The following EN2 variants were observed in gnomAD, a reference collection of about 807,000 sequenced individuals.
The protein encoded by EN2 is homeobox protein engrailed-2.
In EN2, 7 loss-of-function variants were observed where a neutral mutation model predicts 25.0. The observed-to-expected ratio is 0.28, with a 90% confidence interval of 0.16 to 0.53. The LOEUF (loss-of-function observed/expected upper bound fraction) is 0.53. Ranked by LOEUF, EN2 falls within the 20% of genes least tolerant of loss-of-function variation. The probability of loss-of-function intolerance (pLI) is 0.96; values close to 1 mark genes in which losing one functional copy is unlikely to be tolerated. For synonymous variants in EN2, 277 were observed against 243.3 expected (o/e 1.14, Z -1.29); for missense variants, 524 against 501.8 (o/e 1.04, Z -0.42).
chr7:155,458,660 G>A lies in EN2; in HGVS notation c.283G>A (p.Gly95Arg). Residue 95 changes from glycine (G) to arginine (R), a missense_variant, in exon 1 of 2, where the codon GGA becomes AGA. Gly to Arg is a moderately radical substitution (Grantham distance 125). Coordinates refer to ENST00000297375, the MANE Select transcript of EN2 (RefSeq NM_001427.4). ...GACCTGCTGTGCGGGCGCGGGAGGAGGAAGGGGCGGCGGAGCCGGCGGCGA... is the reference window on the plus strand; with the variant it reads ...GACCTGCTGTGCGGGCGCGGGAGGAAGAAGGGGCGGCGGAGCCGGCGGCGA... ...AGTCCAGAGG[G>R]RGGGAGGEGG... 7.2e-7 allele frequency: 1 copy of A among 1,387,234 alleles called. No homozygotes were observed. Among genetic ancestry groups the A allele is most frequent in the East Asian group, 3.1e-5 (1 of 32,394 alleles). 85.9% of individuals were successfully genotyped at this position (1,387,234 alleles called of 1,614,324 possible).
chr7:155,462,382 C>G lies in EN2; in HGVS notation c.697C>G (p.Arg233Gly). 1 of 1,609,450 alleles carries G rather than the reference C, an allele frequency of 6.2e-7. No individual in the cohort carries two copies. Among genetic ancestry groups the G allele is most frequent in the East Asian group, 2.2e-5 (1 of 44,860 alleles). Residue 233 changes from arginine to glycine, a missense_variant, in exon 2 of 2, where the codon CGA becomes GGA. Arg to Gly is a moderately radical substitution (Grantham distance 125, BLOSUM62 -2). Coordinates refer to ENST00000297375, the MANE Select transcript of EN2 (RefSeq NM_001427.4). ...SDRPSSGPRS[R>G]KPKKKNPNKE... Reference sequence around the variant, plus strand: ...CCGTATCTACCCAGGTCCCAGGTCTCGAAAACCAAAGAAGAAGAACCCGAA... The same window carrying G: ...CCGTATCTACCCAGGTCCCAGGTCTGGAAAACCAAAGAAGAAGAACCCGAA...
rs1350806900 is a variant in EN2, at chr7:155,458,779, A to G, written c.402A>G (p.Pro134=). 1.4e-6 allele frequency: 2 copies of G among 1,386,938 alleles called. No individual in the cohort carries two copies. Among genetic ancestry groups the G allele is most frequent in the Non-Finnish European group, 1.8e-6 (2 of 1,082,636 alleles). The allele number at this position is 1,386,938 out of a possible 1,614,324, so 85.9% of individuals were successfully genotyped here. A position where few individuals can be genotyped will look rare whatever the true frequency, so the allele number is the denominator to read the frequency against. The change falls in exon 1 of 2, where the codon CCA becomes CCG. Residue 134 remains proline, a synonymous_variant. Coordinates refer to ENST00000297375, the MANE Select transcript of EN2 (RefSeq NM_001427.4). Reference sequence around the variant, plus strand: ...CCCGAGAGCCCCGGCAGAACCCGCCATGTGCGCCCGGCGCGGGCGGGCCGC... The same window carrying G: ...CCCGAGAGCCCCGGCAGAACCCGCCGTGTGCGCCCGGCGCGGGCGGGCCGC... ...SGSREPRQNP[P]CAPGAGGPLP...
chr7:155,459,313 GTC>G (rs1001434112), intron 1 of EN2, among the ~76,000 whole-genome samples: 1 of 152,046 alleles, frequency 6.6e-6, no homozygotes, highest in African/African-American at 2.4e-5. Flanking sequence ...TTCTTTCTCT[GTC>G]TCTCTCTCTC....
intron 1 of EN2, among the ~76,000 whole-genome samples, chr7:155,460,014 C>T (rs1208235750): frequency 6.6e-6 from 1 of 152,248 alleles, no homozygotes; most frequent in Non-Finnish European, 1.5e-5. Context: ...CCCGAGCTGG[C>T]AGCGGATCCC....
In EN2 at chr7:155,464,600, G is replaced by T. The variant is rs1563076572; in HGVS notation, c.*1913G>T. The T allele has an allele frequency of 6.6e-6, 1 of 152,638 alleles. No homozygotes were observed. The highest frequency in any genetic ancestry group is 1.5e-5 in the Non-Finnish European group (1 of 68,044). 9.5% of individuals were successfully genotyped at this position (152,638 alleles called of 1,614,324 possible). On this transcript the variant is annotated 3_prime_UTR_variant, in exon 2 of 2. Coordinates refer to ENST00000297375, the MANE Select transcript of EN2 (RefSeq NM_001427.4). Reference sequence around the variant, plus strand: ...CTCAATGAAATGACATGCCTTTTTAGCAGGAAGCAAAGTTGGTTTCTGTTT... The same window carrying T: ...CTCAATGAAATGACATGCCTTTTTATCAGGAAGCAAAGTTGGTTTCTGTTT...
Position 155,462,720 on chromosome 7 carries a change from C to T in EN2, c.*33C>T, listed in dbSNP as rs369675027. 9.1e-6 allele frequency: 14 copies of T among 1,530,752 alleles called. No homozygotes were observed. The African/African-American group carries it at 9.7e-5, about 11-fold the overall frequency. The allele number at this position is 1,530,752 out of a possible 1,614,324, so 94.8% of individuals were successfully genotyped here. On this transcript the variant is annotated 3_prime_UTR_variant, in exon 2 of 2. Transcript: ENST00000297375. Reference sequence around the variant, plus strand: ...GGCATGGAGGCCAGGTCTCAGTCCGCGCTAAACAATGCAATAATTTAAAAT... The same window carrying T: ...GGCATGGAGGCCAGGTCTCAGTCCGTGCTAAACAATGCAATAATTTAAAAT...
Position 155,462,617 on chromosome 7 carries a change from T to A in EN2, c.932T>A (p.Val311Glu), listed in dbSNP as rs779590878. Reference sequence around the variant, plus strand: ...ACGGGCAACAAGAACACGCTGGCCGTGCACCTCATGGCACAGGGCTTGTAC... The same window carrying A: ...ACGGGCAACAAGAACACGCTGGCCGAGCACCTCATGGCACAGGGCTTGTAC... ...KATGNKNTLA[V>E]HLMAQGLYNH... Residue 311 changes from valine (V) to glutamate (E), a missense_variant, in exon 2 of 2, where the codon GTG becomes GAG. Transcript: ENST00000297375. 1 of 1,613,592 alleles carries A rather than the reference T, an allele frequency of 6.2e-7. No homozygotes were observed. The highest frequency in any genetic ancestry group is 1.3e-5 in the African/African-American group (1 of 75,034).
At position 155,463,712 on chromosome 7, in the gene EN2, ACCCTCCTTTTGGCTTGG is replaced by A. The variant is rs1228938774; in HGVS notation, c.*1029_*1045del. The A allele has an allele frequency of 6.6e-6, 1 of 151,310 alleles. No individual in the cohort carries two copies. The highest frequency in any genetic ancestry group is 1.5e-5 in the Non-Finnish European group (1 of 67,882). 9.4% of individuals were successfully genotyped at this position (151,310 alleles called of 1,614,324 possible). A position where few individuals can be genotyped will look rare whatever the true frequency, so the allele number is the denominator to read the frequency against. ...CCTAAAGCCCAAGAGCGGTGGGGCG[ACCCTCCTTTTGGCTTGG>A]CCCCAGGAATTTCCTGTGACTCCAC... On this transcript the variant is annotated 3_prime_UTR_variant, in exon 2 of 2. Coordinates refer to ENST00000297375, the MANE Select transcript of EN2 (RefSeq NM_001427.4).
In EN2 at chr7:155,458,507, C is replaced by A. The variant is rs771494215; in HGVS notation, c.130C>A (p.Arg44Ser). ...GSSPGEADTGRRRALMLPAVL... is the reference protein window; with the variant it reads ...GSSPGEADTGSRRALMLPAVL... ...CAGCCCGGGCGAAGCGGACACCGGGCGCCGGCGGGCTCTGATGCTGCCCGC... is the reference window on the plus strand; with the variant it reads ...CAGCCCGGGCGAAGCGGACACCGGGAGCCGGCGGGCTCTGATGCTGCCCGC... The change falls in exon 1 of 2, where the codon CGC (arginine) becomes AGC (serine). Residue 44 changes from arginine to serine, a missense_variant. Physicochemically the swap from Arg to Ser is moderately radical, Grantham distance 110. Transcript: ENST00000297375. 14 of 1,325,996 alleles carry A rather than the reference C, an allele frequency of 1.1e-5. No homozygotes were observed. The highest frequency in any genetic ancestry group is 1.4e-5 in the Non-Finnish European group (14 of 1,036,944). 82.1% of individuals were successfully genotyped at this position (1,325,996 alleles called of 1,614,324 possible).
chr7:155,459,115 C>A, intron 1 of EN2, 53 bp downstream of exon 1: 1 of 1,497,714 alleles, frequency 6.7e-7, no homozygotes, highest in Admixed American at 2.2e-5. Context: ...GCCCGCGGAG[C>A]TGGGGGGCGG....
In EN2 at chr7:155,462,863, T is replaced by C. The variant is rs1286973743; in HGVS notation, c.*176T>C. On this transcript the variant is annotated 3_prime_UTR_variant, in exon 2 of 2. Transcript: ENST00000297375. ...TTTACAGGTGGTATAAAATCCAAAA[T>C]ATCTGACTATAAAATATTTTTTTGA... 5.0e-5 allele frequency: 36 copies of C among 716,992 alleles called. No homozygotes were observed. Among genetic ancestry groups the C allele is most frequent in the Non-Finnish European group, 6.1e-5 (30 of 489,338 alleles). The allele number at this position is 716,992 out of a possible 1,614,324, so 44.4% of individuals were successfully genotyped here. A position where few individuals can be genotyped will look rare whatever the true frequency, so the allele number is the denominator to read the frequency against.
chr7:155,459,783 G>T (rs777776822), intron 1 of EN2, among the ~76,000 whole-genome samples: 4 of 152,250 alleles, frequency 2.6e-5, no homozygotes, highest in Non-Finnish European at 5.9e-5. Flanking sequence ...GTCCCTCCCG[G>T]CACCTGCCAT....
intron 1 of EN2, among the ~76,000 whole-genome samples, chr7:155,460,020 A>G (rs2116600564): frequency 6.6e-6 from 1 of 152,284 alleles, no homozygotes; most frequent in East Asian, 1.9e-4. Flanking sequence ...CTGGCAGCGG[A>G]TCCCCGCTGC....
chr7:155,460,997 G>A (rs1439559842), intron 1 of EN2, among the ~76,000 whole-genome samples: 2 of 152,192 alleles, frequency 1.3e-5, no homozygotes, highest in Non-Finnish European at 2.9e-5. Flanking sequence ...ACTTGGCCAT[G>A]AGGGAGTGCT....
chr7:155,458,740 C>G lies in EN2; in HGVS notation c.363C>G (p.Leu121=), dbSNP rs541045263. 4.2e-5 allele frequency: 57 copies of G among 1,359,944 alleles called. 1 individual carries two copies. The South Asian group carries it at 9.6e-4, about 23-fold the overall frequency. 84.2% of individuals were successfully genotyped at this position (1,359,944 alleles called of 1,614,324 possible). A position where few individuals can be genotyped will look rare whatever the true frequency, so the allele number is the denominator to read the frequency against. ...GCGGCGCGGGCGGCTCGGAGCAGCT[C>G]TTGGGCTCGGGCTCCCGAGAGCCCC... ...GGGGAGGSEQ[L]LGSGSREPRQ... is the part of the protein sequence containing the mutation. The change falls in exon 1 of 2, where the codon CTC becomes CTG. Residue 121 remains leucine, a synonymous_variant. Coordinates refer to ENST00000297375, the MANE Select transcript of EN2 (RefSeq NM_001427.4).
Position 155,458,914 on chromosome 7 carries a change from G to C in EN2, c.537G>C (p.Gly179=), listed in dbSNP as rs757428399. The part of the protein sequence containing the change: ...KGGDPGGPLD[G]SLKARGLGGG... ...GCGACCCCGGCGGCCCCCTGGACGGGTCGCTCAAGGCCCGCGGCTTGGGCG... is the reference window on the plus strand; with the variant it reads ...GCGACCCCGGCGGCCCCCTGGACGGCTCGCTCAAGGCCCGCGGCTTGGGCG... The change falls in exon 1 of 2, where the codon GGG becomes GGC. Residue 179 remains glycine, a synonymous_variant. Coordinates refer to ENST00000297375, the MANE Select transcript of EN2 (RefSeq NM_001427.4). The C allele has an allele frequency of 2.1e-5, 32 of 1,513,332 alleles. No individual in the cohort carries two copies. In the Admixed American group the frequency reaches 4.3e-4, roughly 20 times the overall value. 93.7% of individuals were successfully genotyped at this position (1,513,332 alleles called of 1,614,324 possible).
Position 155,464,380 on chromosome 7 carries a change from C to T in EN2, c.*1693C>T, listed in dbSNP as rs1466697631. 6.6e-6 allele frequency: 1 copy of T among 152,560 alleles called. No homozygotes were observed. The highest frequency in any genetic ancestry group is 1.5e-5 in the Non-Finnish European group (1 of 68,050). The allele number at this position is 152,560 out of a possible 1,614,324, so 9.5% of individuals were successfully genotyped here. A position where few individuals can be genotyped will look rare whatever the true frequency, so the allele number is the denominator to read the frequency against. ...TGCCCACGGCTGACCCAGGGGTGTG[C>T]ACACGGCTGAGCTGGGAGTCCCGCT... On this transcript the variant is annotated 3_prime_UTR_variant, in exon 2 of 2. Coordinates refer to ENST00000297375, the MANE Select transcript of EN2 (RefSeq NM_001427.4).
At chr7:155,459,692 T>C (rs1795673086) in intron 1 of EN2, among the ~76,000 whole-genome samples, 1 of 152,228 alleles carries the variant, frequency 6.6e-6, no homozygotes, top group South Asian at 2.1e-4. Context: ...TCCCCTTGGC[T>C]CCACTTTGTT....
intron 1 of EN2, among the ~76,000 whole-genome samples, chr7:155,461,147 G>A (rs992926148): frequency 6.6e-6 from 1 of 152,178 alleles, no homozygotes; most frequent in African/African-American, 2.4e-5. Context: ...TCCTCAGTGT[G>A]CCCGGCAGCT....
Sources: gnomAD v4.1 joint callset for allele counts (sites outside exome capture counted in the v4.1 genomes callset) on GRCh38, gnomAD v4.1.1 for gene constraint, MANE v1.5 for transcripts, NCBI Gene and HGNC (gene_info 2026-07-23, HGNC 2026-07-21) for gene names.